TLK2: variants seen among roughly 807,000 people sequenced by gnomAD.
The protein encoded by TLK2 is serine/threonine-protein kinase tousled-like 2.
In TLK2, 6 loss-of-function variants were observed where a neutral mutation model predicts 117.3. The observed-to-expected ratio is 0.05, with a 90% CI of 0.03 to 0.10. The LOEUF (loss-of-function observed/expected upper bound fraction) is 0.10. Among genes scored for constraint, TLK2 ranks in the 10% least tolerant of loss-of-function variants. The pLI is 1.00. For missense variants in TLK2, 299 were observed against 901.2 expected (o/e 0.33, Z 8.56); for synonymous variants, 257 against 316.7 (o/e 0.81, Z 2.00).
At chr17:62,501,097 G>A (rs2074152549) in intron 2 of TLK2, among the ~76,000 whole-genome samples, 1 of 152,138 alleles carries the variant, frequency 6.6e-6, no homozygotes, top group Admixed American at 6.5e-5. Flanking sequence ...AATTAGCCGG[G>A]CGTGGTGGCA....
intron 7 of TLK2, chr17:62,551,956 C>CTA (rs1384764196): frequency 3.0e-6 from 1 of 335,714 alleles, no homozygotes; most frequent in South Asian, 2.5e-5. Flanking sequence ...GGATGCTTCA[C>CTA]TAGCCTTTTC....
intron 7 of TLK2, among the ~76,000 whole-genome samples, chr17:62,544,632 T>G (rs1395307819): frequency 1.3e-5 from 2 of 152,210 alleles, no homozygotes; most frequent in East Asian, 3.8e-4. Context: ...GTCTTGAAAT[T>G]GGGAAGTGCA....
chr17:62,586,366 C>G, intron 16 of TLK2, 140 bp downstream of exon 16: 1 of 625,208 alleles, frequency 1.6e-6, no homozygotes, highest in Non-Finnish European at 2.8e-6. Flanking sequence ...TAAATACATT[C>G]TCAGTGTTAC....
intron 6 of TLK2, among the ~76,000 whole-genome samples, chr17:62,528,183 C>G (rs2076506677): frequency 6.6e-6 from 1 of 152,182 alleles, no homozygotes; most frequent in Non-Finnish European, 1.5e-5. Flanking sequence ...CAGTCTCCAG[C>G]ATCCAAAACA....
intron 13 of TLK2, 87 bp from the exon 14 acceptor site, chr17:62,578,390 A>C: frequency 9.7e-7 from 1 of 1,031,214 alleles, no homozygotes; most frequent in African/African-American, 1.6e-5. Context: ...CTTTCATAAG[A>C]TAAATGTCTG....
intron 2 of TLK2, chr17:62,516,428 C>A: frequency 1.9e-6 from 3 of 1,591,198 alleles, no homozygotes. Context: ...GGTAGCACAG[C>A]ACTCCTCATA....
chr17:62,499,297 A>G (rs1245658070), intron 2 of TLK2, among the ~76,000 whole-genome samples: 2 of 151,524 alleles, frequency 1.3e-5, no homozygotes, highest in South Asian at 2.1e-4. Context: ...TTGAGCTTCT[A>G]CATTCCAGCC....
chr17:62,506,882 T>C (rs992143314), intron 2 of TLK2, among the ~76,000 whole-genome samples: 2 of 152,196 alleles, frequency 1.3e-5, no homozygotes, highest in Non-Finnish European at 2.9e-5. Context: ...GGAATTGTAC[T>C]GTTTTCCCTT....
chr17:62,555,469 T>A (rs998663053), intron 9 of TLK2, among the ~76,000 whole-genome samples: 8 of 151,584 alleles, frequency 5.3e-5, no homozygotes, highest in Middle Eastern at 3.4e-3. Context: ...TCTGGTGTGT[T>A]TATATTATTA....
At chr17:62,493,908 C>G (rs1402952522) in intron 2 of TLK2, among the ~76,000 whole-genome samples, 1 of 152,120 alleles carries the variant, frequency 6.6e-6, no homozygotes, top group Non-Finnish European at 1.5e-5. Context: ...CAGGTGCCCA[C>G]CACCATGCCC....
chr17:62,471,152 A>T (rs1358548860), intron 1 of TLK2: 6 of 152,230 alleles, frequency 3.9e-5, no homozygotes, highest in Admixed American at 3.9e-4. Flanking sequence ...ACATGGCAGA[A>T]TCAGGATTTG....
chr17:62,528,394 A>G, intron 6 of TLK2, among the ~76,000 whole-genome samples: 1 of 152,122 alleles, frequency 6.6e-6, no homozygotes, highest in Non-Finnish European at 1.5e-5. Flanking sequence ...AATGATTTTT[A>G]TTTTTTTAAA....
At chr17:62,529,195 A>G (rs1273415301) in intron 6 of TLK2, among the ~76,000 whole-genome samples, 3 of 152,094 alleles carry the variant, frequency 2.0e-5, no homozygotes, top group African/African-American at 7.2e-5. Flanking sequence ...TTTATGTATT[A>G]TGACTCTCTT....
intron 1 of TLK2, chr17:62,471,207 C>T (rs1298068924): frequency 6.6e-6 from 1 of 152,220 alleles, no homozygotes; most frequent in Non-Finnish European, 1.5e-5. Context: ...GACTGCCTGG[C>T]TGTGCAGTCT....
rs2074984862 is a variant in TLK2, at chr17:62,509,577, G to C, written c.82-11196G>C. ...TTTTGTTTCAAGTAGGTTATCCTAGGAATGTCAAACAAGTTCGTGTTTAAA... is the reference window on the plus strand; with the variant it reads ...TTTTGTTTCAAGTAGGTTATCCTAGCAATGTCAAACAAGTTCGTGTTTAAA... On this transcript the variant is annotated intron_variant, in intron 2 of 21. Coordinates refer to ENST00000346027, the MANE Select transcript of TLK2 (RefSeq NM_006852.6). 2.0e-5 allele frequency among the ~76,000 whole-genome samples: 3 copies of C among 152,206 alleles called. No individual in the cohort carries two copies. In the South Asian group the frequency reaches 6.2e-4, roughly 32 times the overall value.
intron 6 of TLK2, among the ~76,000 whole-genome samples, chr17:62,527,711 A>G (rs1332612898): frequency 6.6e-6 from 1 of 151,568 alleles, no homozygotes; most frequent in Non-Finnish European, 1.5e-5. Flanking sequence ...TTAATTTTGT[A>G]CTATATAATT....
intron 2 of TLK2, chr17:62,507,316 A>G (rs2074781522): frequency 1.3e-5 from 2 of 152,168 alleles, no homozygotes; most frequent in South Asian, 2.1e-4. Flanking sequence ...CACTTGACCT[A>G]GAACTCTTCT....
At chr17:62,594,832 C>CA (rs1567991821) in intron 16 of TLK2, among the ~76,000 whole-genome samples, 6 of 144,000 alleles carry the variant, frequency 4.2e-5, no homozygotes, top group Non-Finnish European at 6.1e-5. Context: ...ACACACACAC[C>CA]CCATGTGGGT....
chr17:62,580,890 T>C (rs1191153715), intron 15 of TLK2, among the ~76,000 whole-genome samples: 4 of 152,264 alleles, frequency 2.6e-5, no homozygotes, highest in African/African-American at 9.6e-5. Context: ...TTAGGATTTA[T>C]GTTATGCTCA....
Sources: allele counts gnomAD v4.1 joint callset (sites outside exome capture counted in the v4.1 genomes callset), GRCh38; gene constraint gnomAD v4.1.1; transcripts MANE v1.5; gene names NCBI Gene and HGNC (gene_info 2026-07-23, HGNC 2026-07-21).